SLC41A2: variants seen among roughly 807,000 people sequenced by gnomAD.
The protein encoded by SLC41A2 is solute carrier family 41 member 2.
In SLC41A2, 32 loss-of-function variants were observed where a neutral mutation model predicts 58.3. The ratio of observed to expected loss-of-function variants is 0.55; its 90% CI spans 0.41 to 0.74. The LOEUF (loss-of-function observed/expected upper bound fraction) is 0.74. Ranked by LOEUF, SLC41A2 falls within the 30% of genes least tolerant of loss-of-function variation. The probability of loss-of-function intolerance (pLI) is 0.00; values close to 1 mark genes in which losing one functional copy is unlikely to be tolerated. For missense variants in SLC41A2, 514 were observed against 680.6 expected (o/e 0.76, Z 2.72); for synonymous variants, 190 against 235.0 (o/e 0.81, Z 1.75).
intron 3 of SLC41A2, among the ~76,000 whole-genome samples, chr12:104,898,102 A>T (rs926347909): frequency 6.6e-6 from 1 of 152,160 alleles, no homozygotes; most frequent in Non-Finnish European, 1.5e-5. Flanking sequence ...TATTTAAATT[A>T]TGTATATCTT....
intron 8 of SLC41A2, among the ~76,000 whole-genome samples, chr12:104,857,782 A>G (rs1340637371): frequency 1.4e-5 from 2 of 145,206 alleles, no homozygotes; most frequent in Non-Finnish European, 3.0e-5. Flanking sequence ...GCATGTTCTC[A>G]CTCATAGGAA....
chr12:104,828,189 G>C lies in SLC41A2; in HGVS notation c.1536+16283C>G, dbSNP rs188538360. The stretch of plus-strand genomic sequence containing the variant: ...CAGGAGGAACACACCGACAGGCACC[G>C]GCATGCTGGCAGGCCATCGACTGGC... On this transcript the variant is annotated intron_variant, in intron 10 of 10. Transcript: ENST00000258538. Among the ~76,000 whole-genome samples the C allele has an allele frequency of 2.0e-5, 3 of 152,262 alleles. No individual in the cohort carries two copies. The South Asian group carries it at 6.2e-4, about 32-fold the overall frequency.
At chr12:104,854,099 G>A (rs1013729228) in intron 8 of SLC41A2, among the ~76,000 whole-genome samples, 1 of 150,144 alleles carries the variant, frequency 6.7e-6, no homozygotes. Context: ...ACTGGTTCTT[G>A]AGAGGAGAAA....
At chr12:104,936,194 T>G (rs542421850) in intron 1 of SLC41A2, among the ~76,000 whole-genome samples, 1 of 152,210 alleles carries the variant, frequency 6.6e-6, no homozygotes, top group Non-Finnish European at 1.5e-5. Flanking sequence ...GTTACATATA[T>G]GTAGTACATA....
intron 6 of SLC41A2, among the ~76,000 whole-genome samples, chr12:104,880,139 T>C (rs914856212): frequency 8.5e-5 from 13 of 152,310 alleles, no homozygotes; most frequent in African/African-American, 2.6e-4. Flanking sequence ...TGTATAGGGA[T>C]GCTTGTGATT....
rs151109741 is a variant in SLC41A2, at chr12:104,802,555, T to TATC, written c.*2594_*2596dup. ...GCAAAAGAGAAAGGAGACAGAACTCTATCAGTCATTGTATTTATTTACCAG... is the reference window on the plus strand; with the variant it reads ...GCAAAAGAGAAAGGAGACAGAACTCTATCATCAGTCATTGTATTTATTTACCAG... On this transcript the variant is annotated 3_prime_UTR_variant, in exon 11 of 11. Transcript: ENST00000258538. The TATC allele has an allele frequency of 2.6e-5, 4 of 152,310 alleles. No homozygotes were observed. Among genetic ancestry groups the TATC allele is most frequent in the African/African-American group, 9.6e-5 (4 of 41,578 alleles). 9.4% of individuals were successfully genotyped at this position (152,310 alleles called of 1,614,324 possible). A position where few individuals can be genotyped will look rare whatever the true frequency, so the allele number is the denominator to read the frequency against.
chr12:104,872,509 G>A (rs1379639443), intron 6 of SLC41A2, among the ~76,000 whole-genome samples: 1 of 152,144 alleles, frequency 6.6e-6, no homozygotes, highest in Non-Finnish European at 1.5e-5. Context: ...CGACACGGGT[G>A]GATCACTTGA....
chr12:104,813,684 A>G (rs939084308), intron 10 of SLC41A2, among the ~76,000 whole-genome samples: 7 of 152,162 alleles, frequency 4.6e-5, no homozygotes, highest in Non-Finnish European at 1.0e-4. Context: ...TGTCCAGGCT[A>G]GAGTACCGTG....
chr12:104,953,208 TGTCTAAGA>T (rs1376750160), intron 1 of SLC41A2, among the ~76,000 whole-genome samples: 1 of 152,214 alleles, frequency 6.6e-6, no homozygotes, highest in East Asian at 1.9e-4. Flanking sequence ...CACTCAAAAG[TGTCTAAGA>T]GATTTAGTTA....
chr12:104,899,424 T>G (rs1478588099), intron 3 of SLC41A2, among the ~76,000 whole-genome samples: 2 of 152,142 alleles, frequency 1.3e-5, no homozygotes, highest in Non-Finnish European at 2.9e-5. Flanking sequence ...ACTGTTATGC[T>G]CTTGTGATGA....
intron 6 of SLC41A2, among the ~76,000 whole-genome samples, chr12:104,883,890 G>A (rs1051862388): frequency 1.3e-5 from 2 of 152,224 alleles, no homozygotes; most frequent in Admixed American, 6.5e-5. Context: ...AGACAGGGAC[G>A]TTTAAGTCCG....
chr12:104,935,694 G>A (rs2047235311), intron 1 of SLC41A2, among the ~76,000 whole-genome samples: 1 of 152,126 alleles, frequency 6.6e-6, no homozygotes, highest in Non-Finnish European at 1.5e-5. Flanking sequence ...TTGTGGTCAA[G>A]GATGGACCAC....
In SLC41A2 at chr12:104,824,088, GA is replaced by G. The variant is rs369487306; in HGVS notation, c.1537-18752del. Among the ~76,000 whole-genome samples, 562 of 152,292 alleles carry G rather than the reference GA, an allele frequency of 3.7e-3. 5 individuals carry two copies. Among genetic ancestry groups the G allele is most frequent in the African/African-American group, 0.012 (508 of 41,558 alleles). On this transcript the variant is annotated intron_variant, in intron 10 of 10. Coordinates refer to ENST00000258538, the MANE Select transcript of SLC41A2 (RefSeq NM_001352171.3). Reference sequence around the variant, plus strand: ...GTGAAGGGAAGTGCTGAAGGGAAGGGAAGTGCTGTGTGGAGGAGGGTGTGGT... The same window carrying G: ...GTGAAGGGAAGTGCTGAAGGGAAGGGAGTGCTGTGTGGAGGAGGGTGTGGT...
intron 1 of SLC41A2, among the ~76,000 whole-genome samples, chr12:104,929,636 A>T (rs1028995446): frequency 6.6e-6 from 1 of 152,218 alleles, no homozygotes; most frequent in Non-Finnish European, 1.5e-5. Flanking sequence ...CCAGGAAGAA[A>T]ACCTGACAAT....
intron 1 of SLC41A2, among the ~76,000 whole-genome samples, chr12:104,932,624 C>CAAAAAAAAAAAAA (rs544329617): frequency 2.2e-5 from 1 of 46,070 alleles, no homozygotes; most frequent in Non-Finnish European, 4.2e-5. Context: ...GACTTTGTCT[C>CAAAAAAAAAAAAA]AAAAAAAAAA....
At chr12:104,916,421 G>T (rs1191019252) in intron 2 of SLC41A2, among the ~76,000 whole-genome samples, 2 of 152,110 alleles carry the variant, frequency 1.3e-5, no homozygotes, top group Non-Finnish European at 2.9e-5. Flanking sequence ...TAGATTCAAT[G>T]CCATCCCCAT....
Position 104,866,598 on chromosome 12 carries a change from A to C in SLC41A2, c.1028-19T>G, listed in dbSNP as rs573507197. 4,144 of 1,548,722 alleles carry C rather than the reference A, an allele frequency of 2.7e-3. 135 individuals are homozygous for C. In the African/African-American group the frequency reaches 0.051, roughly 19 times the overall value. The stretch of plus-strand genomic sequence containing the variant: ...TAGGTCTCTAAAATTAAAAAAAAAA[A>C]AAAAAAGAGAGACAACATTTAAATC... On this transcript the variant is annotated intron_variant, in intron 6 of 10. Coordinates refer to ENST00000258538, the MANE Select transcript of SLC41A2 (RefSeq NM_001352171.3).
At chr12:104,859,497 C>T (rs1303956554) in intron 8 of SLC41A2, among the ~76,000 whole-genome samples, 1 of 152,048 alleles carries the variant, frequency 6.6e-6, no homozygotes, top group East Asian at 1.9e-4. Flanking sequence ...CAGACAATGG[C>T]TTGGTCATTT....
chr12:104,811,367 C>A (rs1172302459), intron 10 of SLC41A2, among the ~76,000 whole-genome samples: 2 of 152,168 alleles, frequency 1.3e-5, no homozygotes, highest in Admixed American at 6.5e-5. Flanking sequence ...TATAAATCAA[C>A]ATGAATATAT....
Sources: allele counts gnomAD v4.1 joint callset (sites outside exome capture counted in the v4.1 genomes callset), GRCh38; gene constraint gnomAD v4.1.1; transcripts MANE v1.5; gene names NCBI Gene and HGNC (gene_info 2026-07-23, HGNC 2026-07-21).